The following SCAPER variants were observed in gnomAD, a reference collection of about 807,000 sequenced individuals.
SCAPER encodes S phase cyclin A-associated protein in the endoplasmic reticulum.
A neutral mutation model predicts 182.2 loss-of-function variants in SCAPER; 98 were observed. The ratio of observed to expected loss-of-function variants is 0.54; its 90% CI spans 0.46 to 0.64. The LOEUF (loss-of-function observed/expected upper bound fraction) is 0.64, where lower values mean the gene tolerates loss of function less well. SCAPER is among the 30% of genes least tolerant of loss of function. The pLI, the probability that SCAPER is intolerant of heterozygous loss-of-function variation, is 0.00. For synonymous variants in SCAPER, 605 were observed against 564.6 expected (o/e 1.07, Z -1.01); for missense variants, 1,432 against 1,690.0 (o/e 0.85, Z 2.68).
chr15:76,665,329 T>C lies in SCAPER; in HGVS notation c.2645+324A>G, dbSNP rs568577452. 1.1e-4 allele frequency among the ~76,000 whole-genome samples: 16 copies of C among 152,338 alleles called. No individual in the cohort carries two copies. In the East Asian group the frequency reaches 3.1e-3, roughly 29 times the overall value. On this transcript the variant is annotated intron_variant, in intron 21 of 31. Coordinates refer to ENST00000563290, the MANE Select transcript of SCAPER (RefSeq NM_020843.4). ...CTATTGATTTTCTTTGATACTTCAT[T>C]TAAAAATCAATAGTTGGAAAGAAAA...
At chr15:76,871,929 C>A (rs2072762451) in intron 2 of SCAPER, among the ~76,000 whole-genome samples, 1 of 151,820 alleles carries the variant, frequency 6.6e-6, no homozygotes. Context: ...GCACAGATTT[C>A]TTGATTACTT....
At chr15:76,440,911 T>TG (rs2047534001) in intron 25 of SCAPER, among the ~76,000 whole-genome samples, 1 of 55,778 alleles carries the variant, frequency 1.8e-5, no homozygotes, top group Non-Finnish European at 4.1e-5. Context: ...CTTCTGGTTT[T>TG]TTTTTTGTTT....
At position 76,868,335 on chromosome 15, in the gene SCAPER, G is replaced by A. The variant is rs554713821; in HGVS notation, c.7-5802C>T. Among the ~76,000 whole-genome samples, 229 of 152,078 alleles carry A rather than the reference G, an allele frequency of 1.5e-3. 1 individual carries two copies. The highest frequency in any genetic ancestry group is 2.5e-3 in the Non-Finnish European group (167 of 68,000). ...TTCAGCCTGGGAGCTCAAGGCTGCA[G>A]TGAGCTATGATCGCATCATTGCACT... On this transcript the variant is annotated intron_variant, in intron 2 of 31. Transcript: ENST00000563290.
At chr15:76,765,311 T>G in intron 13 of SCAPER, 26 bp downstream of exon 13, 1 of 1,568,284 alleles carries the variant, frequency 6.4e-7, no homozygotes, top group Non-Finnish European at 8.7e-7. Context: ...TGTGAACCAT[T>G]TCAAATTAAT....
intron 20 of SCAPER, among the ~76,000 whole-genome samples, chr15:76,687,729 T>C (rs1164490355): frequency 6.6e-6 from 1 of 152,192 alleles, no homozygotes; most frequent in Non-Finnish European, 1.5e-5. Context: ...CTGAGAATGA[T>C]GGTTTCCAGC....
At chr15:76,376,034 G>A (rs952779340) in intron 29 of SCAPER, 128 bp downstream of exon 29, 34 of 1,140,878 alleles carry the variant, frequency 3.0e-5, no homozygotes, top group Middle Eastern at 2.1e-4. Context: ...GCATATTCCT[G>A]CAGTCTGGTT....
At position 76,376,272 on chromosome 15, in the gene SCAPER, G is replaced by A. The variant is rs527875423; in HGVS notation, c.3745C>T (p.His1249Tyr). ...TGGCCCAGCAGGGAGCTGGCCATGTGCCGGAATGCAAGGGACAAGCCCTCT... is the reference window on the plus strand; with the variant it reads ...TGGCCCAGCAGGGAGCTGGCCATGTACCGGAATGCAAGGGACAAGCCCTCT... The part of the protein sequence containing the change: ...GAEGLSLAFR[H>Y]MASSLLGHCS... The change falls in exon 29 of 32, where the codon CAC (histidine) becomes TAC (tyrosine). Residue 1249 changes from histidine (H) to tyrosine (Y), a missense_variant. His to Tyr is a moderately conservative substitution (Grantham distance 83). Transcript: ENST00000563290. 3 of 1,613,868 alleles carry A rather than the reference G, an allele frequency of 1.9e-6. No individual in the cohort carries two copies. The highest frequency in any genetic ancestry group is 4.5e-5 in the East Asian group (2 of 44,880).
At chr15:76,350,412 A>ACACCCC (rs1172071719) in intron 31 of SCAPER, 1 of 147,846 alleles carries the variant, frequency 6.8e-6, no homozygotes, top group South Asian at 2.1e-4. Context: ...GTCCAAGGTA[A>ACACCCC]CACCCCCACC....
chr15:76,617,329 G>A (rs953669830), intron 22 of SCAPER, among the ~76,000 whole-genome samples: 3 of 152,202 alleles, frequency 2.0e-5, no homozygotes, highest in Non-Finnish European at 2.9e-5. Flanking sequence ...AGTGAAAAGA[G>A]TATTCATCAG....
At chr15:76,652,385 T>TAG (rs1597945272) in intron 21 of SCAPER, among the ~76,000 whole-genome samples, 1 of 62,760 alleles carries the variant, frequency 1.6e-5, no homozygotes, top group East Asian at 4.8e-4. Context: ...TATATATATA[T>TAG]ATATATATAT....
chr15:76,586,968 T>G (rs1177645819), intron 22 of SCAPER, among the ~76,000 whole-genome samples: 1 of 152,028 alleles, frequency 6.6e-6, no homozygotes, highest in Non-Finnish European at 1.5e-5. Context: ...ATTTTTAAAT[T>G]ATCATTAAAT....
rs184262154 is a variant in SCAPER, at chr15:76,730,478, C to G, written c.2023-1741G>C. Among the ~76,000 whole-genome samples the G allele has an allele frequency of 4.6e-5, 7 of 151,782 alleles. 1 individual carries two copies. Among genetic ancestry groups the G allele is most frequent in the Admixed American group, 3.3e-4 (5 of 15,252 alleles). On this transcript the variant is annotated intron_variant, in intron 16 of 31. Transcript: ENST00000563290. ...GTTGTAGCTATTTCTCATGACTAAT[C>G]AAGAATAATATGTGGAAACTTGGTT...
chr15:76,695,898 C>A (rs1239704454), intron 20 of SCAPER, among the ~76,000 whole-genome samples: 1 of 152,020 alleles, frequency 6.6e-6, no homozygotes, highest in Admixed American at 6.6e-5. Flanking sequence ...GGAAGCTATG[C>A]CTTAAAAGAA....
At chr15:76,836,549 T>C (rs2068967985) in intron 5 of SCAPER, among the ~76,000 whole-genome samples, 2 of 152,136 alleles carry the variant, frequency 1.3e-5, no homozygotes, top group African/African-American at 2.4e-5. Flanking sequence ...CCTTTCACCA[T>C]ATATAAAAAT....
At chr15:76,811,290 T>C (rs906220161) in intron 5 of SCAPER, among the ~76,000 whole-genome samples, 2 of 152,070 alleles carry the variant, frequency 1.3e-5, no homozygotes, top group African/African-American at 4.8e-5. Flanking sequence ...ATACCAAGTA[T>C]GTTTTCCAAC....
At chr15:76,524,880 C>T (rs1474646970) in intron 23 of SCAPER, among the ~76,000 whole-genome samples, 1 of 151,478 alleles carries the variant, frequency 6.6e-6, no homozygotes, top group African/African-American at 2.4e-5. Context: ...TTGTATGCCC[C>T]TTAAAATGTG....
chr15:76,695,692 A>G (rs2058621486), intron 20 of SCAPER, among the ~76,000 whole-genome samples: 1 of 152,216 alleles, frequency 6.6e-6, no homozygotes, highest in Non-Finnish European at 1.5e-5. Context: ...AACTAAATGA[A>G]GATCAATAAA....
chr15:76,666,608 A>C (rs1211027694), intron 20 of SCAPER, among the ~76,000 whole-genome samples: 1 of 152,202 alleles, frequency 6.6e-6, no homozygotes, highest in Non-Finnish European at 1.5e-5. Context: ...ATGAAATTAC[A>C]CCTCAAGTGG....
rs2072745591 is a variant in SCAPER at position 76,871,680 on chromosome 15, C to T, written c.7-9147G>A. The stretch of plus-strand genomic sequence containing the variant: ...CTCTGCCTCCTGGGTTCAAGCAATT[C>T]TCCAGGTTCAAGCAATTCTCCTGCT... On this transcript the variant is annotated intron_variant, in intron 2 of 31. Transcript: ENST00000563290. 2.0e-5 allele frequency among the ~76,000 whole-genome samples: 3 copies of T among 148,134 alleles called. No homozygotes were observed. The Admixed American group carries it at 2.1e-4, about 10-fold the overall frequency.
Sources: gnomAD v4.1 joint callset for allele counts (sites outside exome capture counted in the v4.1 genomes callset) on GRCh38, gnomAD v4.1.1 for gene constraint, MANE v1.5 for transcripts, NCBI Gene and HGNC (gene_info 2026-07-23, HGNC 2026-07-21) for gene names.